ATP10A: variants seen among roughly 807,000 people sequenced by gnomAD.
ATP10A encodes the protein phospholipid-transporting ATPase VA.
A neutral mutation model predicts 147.8 loss-of-function variants in ATP10A; 111 were observed. The ratio of observed to expected loss-of-function variants is 0.75; its 90% CI spans 0.64 to 0.88. The LOEUF (loss-of-function observed/expected upper bound fraction) is 0.88, where lower values mean the gene tolerates loss of function less well. Among genes scored for constraint, ATP10A ranks in the 40% least tolerant of loss-of-function variants. The probability of loss-of-function intolerance (pLI) is 0.00; values close to 1 mark genes in which losing one functional copy is unlikely to be tolerated. For synonymous variants in ATP10A, 875 were observed against 841.6 expected (o/e 1.04, Z -0.69); for missense variants, 1,927 against 1,959.0 (o/e 0.98, Z 0.31).
At position 25,839,835 on chromosome 15, in the gene ATP10A, A is replaced by T. The variant is rs181699200; in HGVS notation, c.449+22813T>A. Among the ~76,000 whole-genome samples, 331 of 152,270 alleles carry T rather than the reference A, an allele frequency of 2.2e-3. 2 individuals are homozygous for T. Among genetic ancestry groups the T allele is most frequent in the African/African-American group, 7.7e-3 (322 of 41,554 alleles). Reference sequence around the variant, plus strand: ...CTCCCCTAAGGCCACCATGCCCCAAAACCAGAGGACAAAATCAAAACCGGG... The same window carrying T: ...CTCCCCTAAGGCCACCATGCCCCAATACCAGAGGACAAAATCAAAACCGGG... On this transcript the variant is annotated intron_variant, in intron 1 of 20. Transcript: ENST00000555815.
intron 12 of ATP10A, among the ~76,000 whole-genome samples, chr15:25,703,138 A>G (rs1226096888): frequency 6.6e-6 from 1 of 152,186 alleles, no homozygotes; most frequent in Non-Finnish European, 1.5e-5. Flanking sequence ...CGGGCGGGTC[A>G]CTTGAGGTCA....
intron 1 of ATP10A, among the ~76,000 whole-genome samples, chr15:25,807,680 T>C (rs1891254800): frequency 6.6e-6 from 1 of 152,110 alleles, no homozygotes; most frequent in Non-Finnish European, 1.5e-5. Context: ...TGCACACCTG[T>C]AATCCCAGCT....
chr15:25,776,161 T>G (rs1321783681), intron 2 of ATP10A, among the ~76,000 whole-genome samples: 3 of 151,938 alleles, frequency 2.0e-5, no homozygotes, highest in Non-Finnish European at 4.4e-5. Context: ...TCTAGGGATC[T>G]CCTAGTTCTG....
At chr15:25,723,451 A>C (rs545909862) in intron 6 of ATP10A, among the ~76,000 whole-genome samples, 1 of 152,258 alleles carries the variant, frequency 6.6e-6, no homozygotes, top group South Asian at 2.1e-4. Context: ...CATTAGGGGA[A>C]AGTGGGTGAG....
chr15:25,778,496 G>GAA (rs199544444), intron 2 of ATP10A, among the ~76,000 whole-genome samples: 16,263 of 145,442 alleles, frequency 0.11, 1,831 homozygotes, highest in African/African-American at 0.26. Context: ...TAGGGAAAGA[G>GAA]AAAAAAAAAA....
intron 2 of ATP10A, among the ~76,000 whole-genome samples, chr15:25,739,013 T>A (rs576481374): frequency 5.0e-4 from 76 of 152,330 alleles, no homozygotes; most frequent in African/African-American, 1.8e-3. Context: ...ATTGTACAAG[T>A]AAGCCAGAAA....
chr15:25,712,147 G>A (rs185951883), intron 10 of ATP10A, among the ~76,000 whole-genome samples: 1 of 152,328 alleles, frequency 6.6e-6, no homozygotes, highest in African/African-American at 2.4e-5. Flanking sequence ...AAGGCATCCA[G>A]TTTTCTGGGT....
In ATP10A at chr15:25,862,626, C is replaced by G; in HGVS notation, c.449+22G>C. Reference sequence around the variant, plus strand: ...CCTGCCCTGCGCCACCGCGCGCTCGCTCGCCCGCCCGCCCAACTCACCTGC... The same window carrying G: ...CCTGCCCTGCGCCACCGCGCGCTCGGTCGCCCGCCCGCCCAACTCACCTGC... On this transcript the variant is annotated intron_variant, in intron 1 of 20. Transcript: ENST00000555815. 3 of 1,532,636 alleles carry G rather than the reference C, an allele frequency of 2.0e-6. No homozygotes were observed. The Admixed American group carries it at 5.7e-5, about 29-fold the overall frequency. 94.9% of individuals were successfully genotyped at this position (1,532,636 alleles called of 1,614,324 possible).
chr15:25,718,937 G>A (rs1363867023), intron 7 of ATP10A, among the ~76,000 whole-genome samples: 1 of 152,158 alleles, frequency 6.6e-6, no homozygotes, highest in Non-Finnish European at 1.5e-5. Context: ...TTTGGACTCA[G>A]CTTTGAAACT....
chr15:25,716,778 G>A lies in ATP10A; in HGVS notation c.1728C>T (p.Thr576=), dbSNP rs1901841838. ...SDVFDFFIAL[T]ICNTVVVTSP... The stretch of plus-strand genomic sequence containing the variant: ...ACGTGACGACGACTGTGTTGCAGAT[G>A]GTGAGTGCGATGAAGAAATCAAAGA... Residue 576 remains threonine (T), a synonymous_variant, in exon 9 of 21, where the codon ACC becomes ACT. Coordinates refer to ENST00000555815, the MANE Select transcript of ATP10A (RefSeq NM_024490.4). 5.0e-6 allele frequency: 8 copies of A among 1,607,622 alleles called. No homozygotes were observed. Among genetic ancestry groups the A allele is most frequent in the African/African-American group, 2.7e-5 (2 of 74,588 alleles).
intron 1 of ATP10A, among the ~76,000 whole-genome samples, chr15:25,819,495 TC>T (rs1322662646): frequency 1.3e-5 from 2 of 151,964 alleles, no homozygotes; most frequent in Non-Finnish European, 2.9e-5. Context: ...TTAGTACAAA[TC>T]TATGGAAAAC....
At chr15:25,751,710 G>C (rs1032879201) in intron 2 of ATP10A, among the ~76,000 whole-genome samples, 1 of 151,992 alleles carries the variant, frequency 6.6e-6, no homozygotes, top group Non-Finnish European at 1.5e-5. Context: ...GACAACCTGC[G>C]AATTGGGAGA....
intron 1 of ATP10A, among the ~76,000 whole-genome samples, chr15:25,844,781 G>C (rs1233449207): frequency 6.6e-6 from 1 of 152,178 alleles, no homozygotes; most frequent in Non-Finnish European, 1.5e-5. Flanking sequence ...CCTGTGGCTT[G>C]CCGTCTGGGG....
intron 2 of ATP10A, among the ~76,000 whole-genome samples, chr15:25,754,849 GA>G (rs377636329): frequency 5.9e-5 from 9 of 152,234 alleles, no homozygotes; most frequent in African/African-American, 2.2e-4. Flanking sequence ...GTTTATTGAA[GA>G]AGTGCACTTG....
chr15:25,813,514 A>G (rs1004012650), intron 1 of ATP10A, among the ~76,000 whole-genome samples: 2 of 152,260 alleles, frequency 1.3e-5, no homozygotes, highest in African/African-American at 2.4e-5. Context: ...GCAGGCATGC[A>G]AAGAAGCAGA....
At chr15:25,743,260 C>A (rs1052136812) in intron 2 of ATP10A, among the ~76,000 whole-genome samples, 1 of 152,180 alleles carries the variant, frequency 6.6e-6, no homozygotes, top group Non-Finnish European at 1.5e-5. Context: ...GGAATGATTC[C>A]AAGACTGAAA....
chr15:25,783,050 C>T (rs959044845), intron 1 of ATP10A, among the ~76,000 whole-genome samples: 1 of 152,004 alleles, frequency 6.6e-6, no homozygotes, highest in Non-Finnish European at 1.5e-5. Flanking sequence ...GTGGCACGAG[C>T]CTGTAGTCCC....
chr15:25,729,835 T>C (rs140896798), intron 3 of ATP10A, among the ~76,000 whole-genome samples: 1 of 152,266 alleles, frequency 6.6e-6, no homozygotes, highest in East Asian at 1.9e-4. Context: ...TCCATGTCTC[T>C]GCTTCCAAAC....
downstream of ATP10A, chr15:25,677,559 G>T (rs1899163715): frequency 1.3e-5 from 2 of 152,158 alleles, no homozygotes; most frequent in African/African-American, 4.8e-5. Flanking sequence ...CTTGTACTTG[G>T]TGCTCGCAAC....
Sources: gnomAD v4.1 joint callset for allele counts (sites outside exome capture counted in the v4.1 genomes callset) on GRCh38, gnomAD v4.1.1 for gene constraint, MANE v1.5 for transcripts, NCBI Gene and HGNC (gene_info 2026-07-23, HGNC 2026-07-21) for gene names.